The following VTA1 variants were observed in gnomAD, a reference collection of about 807,000 sequenced individuals.
VTA1 encodes vacuolar protein sorting-associated protein VTA1 homolog.
Under a neutral mutation model 36.9 loss-of-function variants are expected in VTA1, and 24 were observed. The observed-to-expected ratio is 0.65, with a 90% CI of 0.47 to 0.91. The LOEUF (loss-of-function observed/expected upper bound fraction) is 0.91. VTA1 is among the 40% of genes least tolerant of loss of function. The probability of loss-of-function intolerance (pLI) is 0.00; values close to 1 mark genes in which losing one functional copy is unlikely to be tolerated. For synonymous variants in VTA1, 142 were observed against 130.2 expected (o/e 1.09, Z -0.62); for missense variants, 393 against 377.2 (o/e 1.04, Z -0.35).
intron 1 of VTA1, among the ~76,000 whole-genome samples, chr6:142,164,627 G>A (rs1327738061): frequency 2.0e-5 from 3 of 152,130 alleles, no homozygotes; most frequent in Admixed American, 2.0e-4. Context: ...AATTGAATTG[G>A]TAATTCTGAG....
intron 4 of VTA1, among the ~76,000 whole-genome samples, chr6:142,187,420 G>C (rs1443864452): frequency 6.6e-6 from 1 of 152,136 alleles, no homozygotes; most frequent in Non-Finnish European, 1.5e-5. Context: ...ATTAGCAAGA[G>C]CAATTCCTCA....
chr6:142,184,922 A>T (rs1775311179), intron 4 of VTA1, among the ~76,000 whole-genome samples: 1 of 152,280 alleles, frequency 6.6e-6, no homozygotes, highest in Non-Finnish European at 1.5e-5. Flanking sequence ...CCAAGACTTT[A>T]ATCTTGTCTT....
At chr6:142,201,755 G>A (rs225684) in intron 6 of VTA1, among the ~76,000 whole-genome samples, 58,187 of 151,664 alleles carry the variant, frequency 0.38, 13,253 homozygotes, top group Middle Eastern at 0.54. Flanking sequence ...TCTGGCCTAC[G>A]CATTTCTCTC....
intron 7 of VTA1, among the ~76,000 whole-genome samples, chr6:142,215,766 T>G (rs1385329026): frequency 6.6e-6 from 1 of 152,252 alleles, no homozygotes. Context: ...TCCTCTCTTA[T>G]GACATTAGAT....
chr6:142,186,781 T>A (rs1390768874), intron 4 of VTA1, among the ~76,000 whole-genome samples: 1 of 152,008 alleles, frequency 6.6e-6, no homozygotes, highest in Non-Finnish European at 1.5e-5. Flanking sequence ...AATAATAAAT[T>A]TATCAATAGT....
chr6:142,177,279 A>G (rs1775144297), intron 4 of VTA1, among the ~76,000 whole-genome samples: 1 of 152,242 alleles, frequency 6.6e-6, no homozygotes. Flanking sequence ...ATACAGTATT[A>G]GTATAAAGTA....
At chr6:142,159,369 T>C (rs952209717) in intron 1 of VTA1, among the ~76,000 whole-genome samples, 1 of 151,034 alleles carries the variant, frequency 6.6e-6, no homozygotes, top group Non-Finnish European at 1.5e-5. Flanking sequence ...ATCTCAAAAA[T>C]TATATAAACT....
chr6:142,147,487 G>T, intron 1 of VTA1, 88 bp downstream of exon 1: 2 of 1,315,266 alleles, frequency 1.5e-6, no homozygotes, highest in Non-Finnish European at 2.1e-6. Context: ...GGCATGCCCC[G>T]CCCCCCTCGC....
At chr6:142,163,335 C>G (rs1774845902) in intron 1 of VTA1, among the ~76,000 whole-genome samples, 1 of 152,088 alleles carries the variant, frequency 6.6e-6, no homozygotes, top group Admixed American at 6.6e-5. Flanking sequence ...CAAGATCTTT[C>G]CCTGCTGTCA....
chr6:142,200,861 T>C (rs1220979169), intron 6 of VTA1, among the ~76,000 whole-genome samples: 1 of 151,980 alleles, frequency 6.6e-6, no homozygotes, highest in Non-Finnish European at 1.5e-5. Context: ...TTATACACTC[T>C]TGTAGCCTTA....
intron 4 of VTA1, among the ~76,000 whole-genome samples, chr6:142,181,115 A>ATATG (rs1775227371): frequency 8.1e-6 from 1 of 123,672 alleles, no homozygotes; most frequent in South Asian, 2.6e-4. Context: ...ATATATATAT[A>ATATG]TACACACACA....
intron 6 of VTA1, among the ~76,000 whole-genome samples, chr6:142,199,551 T>C (rs1305490132): frequency 6.6e-6 from 1 of 151,946 alleles, no homozygotes; most frequent in Non-Finnish European, 1.5e-5. Flanking sequence ...TTACTTTTAT[T>C]TGTCAGCCTT....
intron 7 of VTA1, among the ~76,000 whole-genome samples, chr6:142,208,868 C>G (rs941511474): frequency 2.6e-5 from 4 of 152,110 alleles, no homozygotes; most frequent in African/African-American, 7.2e-5. Context: ...GCTGACCCAT[C>G]CTGCAAGAAA....
At chr6:142,193,064 G>T (rs768965132) in intron 5 of VTA1, among the ~76,000 whole-genome samples, 5 of 151,998 alleles carry the variant, frequency 3.3e-5, no homozygotes, top group African/African-American at 4.8e-5. Flanking sequence ...TAGATCACAC[G>T]TTGCATCTGG....
intron 7 of VTA1, among the ~76,000 whole-genome samples, chr6:142,209,375 G>A (rs1345313837): frequency 2.7e-5 from 4 of 150,652 alleles, no homozygotes; most frequent in Non-Finnish European, 5.9e-5. Context: ...ATTCCGTTGT[G>A]TATATACACT....
intron 6 of VTA1, among the ~76,000 whole-genome samples, chr6:142,201,164 C>T (rs2064926962): frequency 6.6e-6 from 1 of 151,766 alleles, no homozygotes; most frequent in African/African-American, 2.4e-5. Context: ...GAAATCTCCT[C>T]CTTTTAGCCC....
intron 5 of VTA1, among the ~76,000 whole-genome samples, chr6:142,191,826 CTTCT>C (rs1315565967): frequency 5.3e-5 from 8 of 151,814 alleles, no homozygotes; most frequent in South Asian, 2.1e-4. Context: ...TGAGAAAAAT[CTTCT>C]TTAAGACTTT....
At chr6:142,179,481 A>G (rs376957840) in intron 4 of VTA1, among the ~76,000 whole-genome samples, 3 of 152,158 alleles carry the variant, frequency 2.0e-5, no homozygotes, top group Non-Finnish European at 2.9e-5. Context: ...ATGTCCACCA[A>G]CAGGGGCACT....
intron 4 of VTA1, among the ~76,000 whole-genome samples, chr6:142,179,818 G>A (rs1775194323): frequency 1.3e-5 from 2 of 152,054 alleles, no homozygotes; most frequent in Non-Finnish European, 2.9e-5. Flanking sequence ...GATAGGTTTG[G>A]TTTATCTTAG....
Sources: allele counts gnomAD v4.1 joint callset (sites outside exome capture counted in the v4.1 genomes callset), GRCh38; gene constraint gnomAD v4.1.1; transcripts MANE v1.5; gene names NCBI Gene and HGNC (gene_info 2026-07-23, HGNC 2026-07-21).